RTN4RL1: variants seen among roughly 807,000 people sequenced by gnomAD.
RTN4RL1 encodes the protein reticulon-4 receptor-like 1.
Under a neutral mutation model 25.6 loss-of-function variants are expected in RTN4RL1, and 7 were observed. The observed-to-expected ratio is 0.27, with a 90% CI of 0.16 to 0.51. The LOEUF (loss-of-function observed/expected upper bound fraction) is 0.51, where lower values mean the gene tolerates loss of function less well. Ranked by LOEUF, RTN4RL1 falls within the 20% of genes least tolerant of loss-of-function variation. The pLI is 0.97. For synonymous variants in RTN4RL1, 297 were observed against 288.2 expected (o/e 1.03, Z -0.31); for missense variants, 500 against 615.6 (o/e 0.81, Z 1.99).
At chr17:1,946,976 A>AT (rs1915567826) in intron 1 of RTN4RL1, among the ~76,000 whole-genome samples, 1 of 98,820 alleles carries the variant, frequency 1.0e-5, no homozygotes, top group Non-Finnish European at 2.3e-5. Context: ...TCTCTGTGTG[A>AT]ATGTGTGTGC....
intron 1 of RTN4RL1, among the ~76,000 whole-genome samples, chr17:2,011,699 T>C (rs1267091697): frequency 1.3e-5 from 2 of 152,074 alleles, no homozygotes; most frequent in South Asian, 2.1e-4. Flanking sequence ...TGAGCTCCCA[T>C]GAATCTCTGC....
Position 1,937,596 on chromosome 17 carries a change from G to C in RTN4RL1, c.226C>G (p.Pro76Ala). Residue 76 changes from proline to alanine, a missense_variant, in exon 2 of 2, where the codon CCC becomes GCC. Around this residue, in one of 2 missense-constraint regions of RTN4RL1, gnomAD observed 232 missense variants for 341.1 expected, o/e 0.68. Coordinates refer to ENST00000331238, the MANE Select transcript of RTN4RL1 (RefSeq NM_178568.4). ...TAGATCCACAGGGTGACCATGGCGGGGCTGAAGTGGCCGGGCTGGAGGAGG... is the reference window on the plus strand; with the variant it reads ...TAGATCCACAGGGTGACCATGGCGGCGCTGAAGTGGCCGGGCTGGAGGAGG... ...IGLLQPGHFS[P>A]AMVTLWIYSN... The C allele has an allele frequency of 6.2e-7, 1 of 1,613,952 alleles. No homozygotes were observed. The highest frequency in any genetic ancestry group is 8.5e-7 in the Non-Finnish European group (1 of 1,179,840).
rs1241182914 is a variant in RTN4RL1, at chr17:1,990,809, TTTTACAAAGC to T, written c.13+34034_13+34043del. On this transcript the variant is annotated intron_variant, in intron 1 of 1. Transcript: ENST00000331238. Reference sequence around the variant, plus strand: ...ACAGATGCGCTTCTGAGTCAGAATCTTTTACAAAGCTGGGTTTTCCGTCTATCACACTGTT... The same window carrying T: ...ACAGATGCGCTTCTGAGTCAGAATCTTGGGTTTTCCGTCTATCACACTGTT... Among the ~76,000 whole-genome samples the T allele has an allele frequency of 2.0e-5, 3 of 152,344 alleles. No homozygotes were observed. In the East Asian group the frequency reaches 5.8e-4, roughly 29 times the overall value.
chr17:1,974,083 G>T (rs1194379019), intron 1 of RTN4RL1, among the ~76,000 whole-genome samples: 1 of 143,600 alleles, frequency 7.0e-6, no homozygotes, highest in Non-Finnish European at 1.5e-5. Flanking sequence ...AGGGGGGAAA[G>T]GTTACATTTA....
intron 1 of RTN4RL1, among the ~76,000 whole-genome samples, chr17:2,023,821 A>G (rs991023194): frequency 6.6e-6 from 1 of 152,056 alleles, no homozygotes; most frequent in Non-Finnish European, 1.5e-5. Context: ...GAGCGCAGGG[A>G]TCAGGCCCCT....
chr17:1,984,626 G>A (rs1404697417), intron 1 of RTN4RL1, among the ~76,000 whole-genome samples: 1 of 152,172 alleles, frequency 6.6e-6, no homozygotes, highest in East Asian at 1.9e-4. Context: ...GATCCTTTCT[G>A]CGACTTTCAT....
intron 1 of RTN4RL1, among the ~76,000 whole-genome samples, chr17:2,013,294 G>C (rs112581505): frequency 8.1e-4 from 124 of 152,330 alleles, no homozygotes; most frequent in African/African-American, 2.8e-3. Context: ...TGAACTCACA[G>C]GTAGAAAGAG....
At chr17:1,955,846 C>A (rs4790299) in intron 1 of RTN4RL1, among the ~76,000 whole-genome samples, 127,977 of 151,428 alleles carry the variant, frequency 0.85, 54,386 homozygotes, top group Admixed American at 0.89. Context: ...AGCCTCCCAA[C>A]GTGCTGCGAT....
rs750791987 is a variant in RTN4RL1 at position 1,936,971 on chromosome 17, G to A, written c.851C>T (p.Ser284Phe). Residue 284 changes from serine to phenylalanine, a missense_variant, in exon 2 of 2, where the codon TCC becomes TTC. Ser to Phe is a radical substitution (Grantham distance 155). This residue lies in a region of RTN4RL1 where 268 missense variants were observed against 274.5 expected (regional missense o/e 0.98). Transcript: ENST00000331238. ...RGSSSAVPCV[S>F]PGLRHGQDLK... ...GTCCTGGCCGTGCCGCAGCCCAGGG[G>A]ACACACAGGGGACAGCGGAGCTGGA... 3 of 1,607,454 alleles carry A rather than the reference G, an allele frequency of 1.9e-6. No individual in the cohort carries two copies. The highest frequency in any genetic ancestry group is 1.3e-5 in the African/African-American group (1 of 74,870).
Position 1,952,332 on chromosome 17 carries a change from GTTTTT to G in RTN4RL1, c.14-14529_14-14525del, listed in dbSNP as rs56878786. Among the ~76,000 whole-genome samples the G allele has an allele frequency of 3.7e-5, 5 of 135,438 alleles. No homozygotes were observed. In the East Asian group the frequency reaches 6.7e-4, roughly 18 times the overall value. The allele number at this position is 135,438 out of a possible 152,430, so 88.9% of individuals were successfully genotyped here. ...GAGGGGCATGGGTCAAGGGAGGTTG[GTTTTT>G]TTTTTTTTTTTTTTTTTGAGATGGA... On this transcript the variant is annotated intron_variant, in intron 1 of 1. Coordinates refer to ENST00000331238, the MANE Select transcript of RTN4RL1 (RefSeq NM_178568.4).
At chr17:1,977,952 T>C (rs1005039478) in intron 1 of RTN4RL1, among the ~76,000 whole-genome samples, 1 of 146,546 alleles carries the variant, frequency 6.8e-6, no homozygotes, top group Middle Eastern at 3.5e-3. Context: ...GCACCCTGGA[T>C]CCTGCATCCT....
At chr17:2,019,473 C>G (rs1018963542) in intron 1 of RTN4RL1, 8 of 152,254 alleles carry the variant, frequency 5.3e-5, no homozygotes, top group Non-Finnish European at 1.5e-5. Flanking sequence ...CCCAAAGACA[C>G]GGCCAGAGCT....
chr17:1,999,455 A>C (rs911501783), intron 1 of RTN4RL1, among the ~76,000 whole-genome samples: 2 of 90,270 alleles, frequency 2.2e-5, no homozygotes, highest in African/African-American at 7.9e-5. Context: ...CGAAAAAAAT[A>C]AAACACACAC....
At chr17:1,956,697 G>A (rs1797952078) in intron 1 of RTN4RL1, among the ~76,000 whole-genome samples, 1 of 151,784 alleles carries the variant, frequency 6.6e-6, no homozygotes, top group African/African-American at 2.4e-5. Context: ...GGGAGCTCAG[G>A]GTCTGGGGTG....
chr17:2,008,717 G>T (rs940449963), intron 1 of RTN4RL1, among the ~76,000 whole-genome samples: 1 of 152,104 alleles, frequency 6.6e-6, no homozygotes, highest in Non-Finnish European at 1.5e-5. Context: ...TCCGTGGCAC[G>T]AACAGTGACT....
At position 1,983,712 on chromosome 17, in the gene RTN4RL1, T is replaced by C. The variant is rs1452812820; in HGVS notation, c.13+41141A>G. On this transcript the variant is annotated intron_variant, in intron 1 of 1. Transcript: ENST00000331238. ...ACCACCATGCCTGGCTAACATTTTC[T>C]ATTTTTTTTGTAGAGACGGGGTCTT... Among the ~76,000 whole-genome samples, 7 of 151,908 alleles carry C rather than the reference T, an allele frequency of 4.6e-5. No homozygotes were observed. In the South Asian group the frequency reaches 1.5e-3, roughly 32 times the overall value.
intron 1 of RTN4RL1, among the ~76,000 whole-genome samples, chr17:1,997,851 G>A (rs2151321076): frequency 6.6e-6 from 1 of 152,226 alleles, no homozygotes; most frequent in South Asian, 2.1e-4. Context: ...CATCCCCGCA[G>A]ACCCCCGACC....
chr17:1,982,082 C>A (rs2066869486), intron 1 of RTN4RL1, among the ~76,000 whole-genome samples: 1 of 144,148 alleles, frequency 6.9e-6, no homozygotes, highest in Non-Finnish European at 1.5e-5. Context: ...GGTGGATCAC[C>A]TGAGGTCAGG....
Position 1,939,171 on chromosome 17 carries a change from C to T in RTN4RL1, c.14-1363G>A, listed in dbSNP as rs375074871. 7.7e-3 allele frequency among the ~76,000 whole-genome samples: 1,162 copies of T among 151,430 alleles called. 20 individuals carry two copies. Among genetic ancestry groups the T allele is most frequent in the Admixed American group, 0.047 (710 of 15,182 alleles). ...ATCGAGACCATCCTGGCTAACACGG[C>T]GAAACCCCGTCTCTACTAAAAATAC... On this transcript the variant is annotated intron_variant, in intron 1 of 1. Transcript: ENST00000331238.
Sources: allele counts gnomAD v4.1 joint callset (sites outside exome capture counted in the v4.1 genomes callset), GRCh38; gene constraint gnomAD v4.1.1; regional missense constraint gnomAD v4.1.1; transcripts MANE v1.5; gene names NCBI Gene and HGNC (gene_info 2026-07-23, HGNC 2026-07-21).